LYST: variants seen among roughly 807,000 people sequenced by gnomAD.
LYST encodes lysosomal-trafficking regulator.
LYST carries 192 observed loss-of-function variants against 413.6 expected under a neutral mutation model. That is an observed-to-expected ratio of 0.46 (90% CI 0.41 to 0.52). LYST has a LOEUF of 0.52. Among genes scored for constraint, LYST ranks in the 20% least tolerant of loss-of-function variants. The probability of loss-of-function intolerance (pLI) is 0.00; values close to 1 mark genes in which losing one functional copy is unlikely to be tolerated. For missense variants in LYST, 3,815 were observed against 4,499.9 expected (o/e 0.85, Z 4.35); for synonymous variants, 1,525 against 1,567.3 (o/e 0.97, Z 0.64).
chr1:235,730,959 G>GT lies in LYST; in HGVS notation c.8948-17dup, dbSNP rs1211030427. 5 of 1,607,222 alleles carry GT rather than the reference G, an allele frequency of 3.1e-6. No homozygotes were observed. The African/African-American group carries it at 6.7e-5, about 21-fold the overall frequency. ...TTGACAACATCTGTTGAGGAGAAAA[G>GT]TAAATATTATCTTTATCTAATGACC... On this transcript the variant is annotated splice_polypyrimidine_tract_variant and intron_variant, in intron 35 of 52. Coordinates refer to ENST00000389793, the MANE Select transcript of LYST (RefSeq NM_000081.4).
chr1:235,804,467 A>G, intron 7 of LYST, 37 bp downstream of exon 7: 1 of 1,560,234 alleles, frequency 6.4e-7, no homozygotes. Context: ...TCTGCTGGTC[A>G]TACCCAAAGA....
intron 31 of LYST, among the ~76,000 whole-genome samples, chr1:235,740,300 T>C (rs1261409726): frequency 1.3e-5 from 2 of 152,182 alleles, no homozygotes; most frequent in Non-Finnish European, 2.9e-5. Context: ...AGCATAGATA[T>C]ATTAAGTGTT....
intron 2 of LYST, 36 bp downstream of exon 2, chr1:235,833,542 T>C (rs532647346): frequency 2.2e-6 from 1 of 456,652 alleles, no homozygotes; most frequent in Admixed American, 6.4e-5. Context: ...TTCAAAATCA[T>C]GTTGATGGTT....
chr1:235,721,796 A>G (rs953037710), intron 39 of LYST, among the ~76,000 whole-genome samples: 1 of 152,238 alleles, frequency 6.6e-6, no homozygotes, highest in Admixed American at 6.5e-5. Context: ...AAAAGGAGGC[A>G]TTCATTTATT....
intron 1 of LYST, among the ~76,000 whole-genome samples, chr1:235,843,661 C>T (rs1055750827): frequency 6.6e-6 from 1 of 151,762 alleles, no homozygotes; most frequent in African/African-American, 2.4e-5. Context: ...TTTCATAACG[C>T]TATTTCCAGG....
rs77740574 is a variant in LYST at position 235,699,081 on chromosome 1, T to C, written c.10375-1809A>G. Among the ~76,000 whole-genome samples, 8 of 152,262 alleles carry C rather than the reference T, an allele frequency of 5.3e-5. No homozygotes were observed. In the East Asian group the frequency reaches 9.6e-4, roughly 18 times the overall value. ...GGCAACTGTTTTATATCATAGCATA[T>C]TTATGATCATTATTCTCCTTTCTTT... is the stretch of plus-strand genomic sequence containing the variant. On this transcript the variant is annotated intron_variant, in intron 45 of 52. Transcript: ENST00000389793.
At chr1:235,877,224 G>A (rs1681176315) in intron 1 of LYST, among the ~76,000 whole-genome samples, 1 of 152,180 alleles carries the variant, frequency 6.6e-6, no homozygotes, top group African/African-American at 2.4e-5. Flanking sequence ...GCTATCAAGA[G>A]GGGCCAGCAC....
chr1:235,701,577 G>A (rs942518318), intron 45 of LYST, among the ~76,000 whole-genome samples: 2 of 152,140 alleles, frequency 1.3e-5, no homozygotes, highest in Non-Finnish European at 2.9e-5. Flanking sequence ...GCAGTGAGCC[G>A]AGATTGTGCC....
At chr1:235,758,114 AAGG>A (rs1407090026) in intron 23 of LYST, among the ~76,000 whole-genome samples, 2 of 152,184 alleles carry the variant, frequency 1.3e-5, no homozygotes, top group Admixed American at 1.3e-4. Flanking sequence ...CTCCTGGTGA[AAGG>A]AGATTTTTTT....
rs1482131099 is a variant in LYST at position 235,674,174 on chromosome 1, A to C, written c.11038+2917T>G. Among the ~76,000 whole-genome samples, 2 of 152,158 alleles carry C rather than the reference A, an allele frequency of 1.3e-5. No individual in the cohort carries two copies. Among genetic ancestry groups the C allele is most frequent in the South Asian group, 4.2e-4 (2 of 4,812 alleles). On this transcript the variant is annotated intron_variant, in intron 50 of 52. Transcript: ENST00000389793. The surrounding 1 kb of genome is among the most constrained non-coding windows in gnomAD (Gnocchi z 4.1). ...ACCTTGTGTCTCTCACGACAGGGGG[A>C]ATATTTGGCATTCCTTGGAAGCCTA...
chr1:235,765,668 G>A (rs1476674770), intron 21 of LYST, among the ~76,000 whole-genome samples: 2 of 151,984 alleles, frequency 1.3e-5, no homozygotes, highest in African/African-American at 4.8e-5. Context: ...GTCTTTACCT[G>A]GAACACTAAC....
Position 235,777,260 on chromosome 1 carries a change from T to C in LYST, c.5263A>G (p.Ile1755Val), listed in dbSNP as rs374034216. Residue 1755 changes from isoleucine (I) to valine (V), a missense_variant, in exon 17 of 53, where the codon ATC (isoleucine) becomes GTC (valine). Physicochemically the swap from Ile to Val is conservative, Grantham distance 29 (BLOSUM62 3). Transcript: ENST00000389793. ...YTTYCPAQYT[I>V]YEPVIRLKGQ... is the part of the protein sequence containing the mutation. ...TTAAGTCTAATCACTGGTTCATAGA[T>C]GGTATACTGAGCAGGACAGTAAGTT... The C allele has an allele frequency of 5.6e-5, 90 of 1,612,594 alleles. No individual in the cohort carries two copies. Among genetic ancestry groups the C allele is most frequent in the Non-Finnish European group, 7.5e-5 (89 of 1,178,810 alleles).
intron 14 of LYST, among the ~76,000 whole-genome samples, chr1:235,786,222 G>C (rs1473137957): frequency 6.6e-6 from 1 of 152,066 alleles, no homozygotes; most frequent in East Asian, 1.9e-4. Context: ...ATTTTCAACA[G>C]TCACTTCGAC....
At chr1:235,798,652 TA>T (rs1671860358) in intron 10 of LYST, among the ~76,000 whole-genome samples, 1 of 120,080 alleles carries the variant, frequency 8.3e-6, no homozygotes, top group Non-Finnish European at 1.8e-5. Context: ...GTAAAAAATT[TA>T]AAAAATGATT....
chr1:235,780,513 AAATAT>A (rs1420990946), intron 16 of LYST, among the ~76,000 whole-genome samples: 1 of 152,156 alleles, frequency 6.6e-6, no homozygotes, highest in Non-Finnish European at 1.5e-5. Context: ...TATGGAAAGA[AAATAT>A]AATGAGCAAC....
At chr1:235,840,081 T>C (rs1340121667) in intron 1 of LYST, 2 of 152,206 alleles carry the variant, frequency 1.3e-5, no homozygotes, top group Non-Finnish European at 2.9e-5. Flanking sequence ...TCCTGCTTAT[T>C]AGTCTGCCAG....
chr1:235,776,088 A>C (rs1014146364), intron 17 of LYST, among the ~76,000 whole-genome samples: 1 of 152,234 alleles, frequency 6.6e-6, no homozygotes. Context: ...AAGGATATAC[A>C]TTTTGAAACT....
Position 235,712,706 on chromosome 1 carries a change from T to C in LYST, c.9785-509A>G, listed in dbSNP as rs572258313. 8 of 985,340 alleles carry C rather than the reference T, an allele frequency of 8.1e-6. No individual in the cohort carries two copies. The African/African-American group carries it at 1.4e-4, about 17-fold the overall frequency. The allele number at this position is 985,340 out of a possible 1,614,324, so 61.0% of individuals were successfully genotyped here. On this transcript the variant is annotated intron_variant, in intron 42 of 52. Coordinates refer to ENST00000389793, the MANE Select transcript of LYST (RefSeq NM_000081.4). ...CTTTCTTTTTTTTCGGGGGGGTGCG[T>C]AGGTTACGGTGCATTGTTTTTTGGT...
intron 6 of LYST, among the ~76,000 whole-genome samples, chr1:235,805,013 A>G (rs2102853623): frequency 6.6e-6 from 1 of 152,332 alleles, no homozygotes; most frequent in South Asian, 2.1e-4. Flanking sequence ...GTGTGGAAGC[A>G]TCAGGATTTT....
Sources: gnomAD v4.1 joint callset for allele counts (sites outside exome capture counted in the v4.1 genomes callset) on GRCh38, gnomAD v4.1.1 for gene constraint, Gnocchi (gnomAD v3.1) non-coding constraint, MANE v1.5 for transcripts, NCBI Gene and HGNC (gene_info 2026-07-23, HGNC 2026-07-21) for gene names.